PAAF1: variants seen among roughly 807,000 people sequenced by gnomAD.
PAAF1 encodes the protein proteasomal ATPase associated factor 1, also known as proteasomal ATPase-associated factor 1.
A neutral mutation model predicts 52.8 loss-of-function variants in PAAF1; 46 were observed. That is an observed-to-expected ratio of 0.87 (90% CI 0.69 to 1.11). The LOEUF (loss-of-function observed/expected upper bound fraction) is 1.11. Ranked by LOEUF, PAAF1 falls within the 50% of genes most tolerant of loss-of-function variation. The pLI, the probability that PAAF1 is intolerant of heterozygous loss-of-function variation, is 0.00. For synonymous variants in PAAF1, 178 were observed against 172.8 expected (o/e 1.03, Z -0.24); for missense variants, 424 against 477.4 (o/e 0.89, Z 1.04).
At position 73,916,628 on chromosome 11, in the gene PAAF1, A is replaced by AAAC. The variant is rs774147476; in HGVS notation, c.905_907dup (p.Asn302dup). The AAAC allele has an allele frequency of 6.2e-7, 1 of 1,614,066 alleles. No homozygotes were observed. The highest frequency in any genetic ancestry group is 2.2e-5 in the East Asian group (1 of 44,878). On this transcript the variant is annotated inframe_insertion, in exon 9 of 12. Coordinates refer to ENST00000310571, the MANE Select transcript of PAAF1 (RefSeq NM_025155.3). ...TGCTATTGGCTGGGACTCAAGATGG[A>AAAC]AACATTTATCAGCTGGATGTGAGGA...
At chr11:73,893,294 C>A (rs766485805) in intron 4 of PAAF1, among the ~76,000 whole-genome samples, 15 of 152,170 alleles carry the variant, frequency 9.9e-5, no homozygotes, top group Non-Finnish European at 1.9e-4. Flanking sequence ...TGTTGCTCTT[C>A]ATTTCCTCTG....
intron 8 of PAAF1, among the ~76,000 whole-genome samples, chr11:73,915,986 T>C (rs962068738): frequency 3.9e-5 from 6 of 152,224 alleles, no homozygotes; most frequent in Admixed American, 6.5e-5. Context: ...TTATTTTGTT[T>C]TTTGCCTTTT....
intron 2 of PAAF1, among the ~76,000 whole-genome samples, chr11:73,886,120 G>A (rs555919095): frequency 6.6e-5 from 10 of 152,284 alleles, no homozygotes; most frequent in African/African-American, 2.2e-4. Flanking sequence ...GTGTAGGATA[G>A]TATCTTACTT....
rs1168452865 is a variant in PAAF1, at chr11:73,930,037, CAA to C, written c.*2676_*2677del. 1 of 137,250 alleles carries C rather than the reference CAA, an allele frequency of 7.3e-6. No individual in the cohort carries two copies. The allele number at this position is 137,250 out of a possible 1,614,324, so 8.5% of individuals were successfully genotyped here. On this transcript the variant is annotated 3_prime_UTR_variant, in exon 12 of 12. Coordinates refer to ENST00000310571, the MANE Select transcript of PAAF1 (RefSeq NM_025155.3). ...CGCCATTGCGCTCCAGCCTGGGCAA[CAA>C]GAGTGAAACTCCGTCTCAAAAAAAA...
intron 3 of PAAF1, 112 bp downstream of exon 3, chr11:73,887,569 G>C (rs1949094925): frequency 9.3e-6 from 6 of 644,660 alleles, no homozygotes; most frequent in Non-Finnish European, 1.4e-5. Context: ...ATTTGTATGA[G>C]AATCATAGTT....
rs191708588 is a variant in PAAF1 at position 73,919,346 on chromosome 11, G to A, written c.1018+314G>A. The stretch of plus-strand genomic sequence containing the variant: ...CGTGTGAACATTTGATTGCAGTCCA[G>A]TTTGATAAGGACTACATCAGAAGAC... On this transcript the variant is annotated intron_variant, in intron 10 of 11. Transcript: ENST00000310571. Among the ~76,000 whole-genome samples the A allele has an allele frequency of 5.3e-5, 8 of 152,320 alleles. No individual in the cohort carries two copies. The East Asian group carries it at 1.3e-3, about 26-fold the overall frequency.
chr11:73,919,139 T>G, intron 10 of PAAF1, 107 bp downstream of exon 10: 2 of 907,664 alleles, frequency 2.2e-6, no homozygotes, highest in Non-Finnish European at 3.4e-6. Flanking sequence ...TCCCCCATGA[T>G]TCTTTGGCAT....
chr11:73,925,923 T>C (rs948196682), intron 11 of PAAF1, among the ~76,000 whole-genome samples: 2 of 152,216 alleles, frequency 1.3e-5, no homozygotes, highest in African/African-American at 4.8e-5. Flanking sequence ...TTGGCACATA[T>C]TTTTCAAGAC....
intron 10 of PAAF1, among the ~76,000 whole-genome samples, chr11:73,923,204 TC>T (rs1308431661): frequency 6.6e-6 from 1 of 152,100 alleles, no homozygotes; most frequent in Non-Finnish European, 1.5e-5. Flanking sequence ...AGGTACTACC[TC>T]GTATATGCTG....
chr11:73,899,583 T>A (rs1949537874), intron 5 of PAAF1, among the ~76,000 whole-genome samples: 1 of 152,112 alleles, frequency 6.6e-6, no homozygotes, highest in South Asian at 2.1e-4. Flanking sequence ...ATCTAATTTT[T>A]GTATTTTTAG....
At chr11:73,880,195 C>T (rs1948853765) in intron 2 of PAAF1, 1 of 151,776 alleles carries the variant, frequency 6.6e-6, no homozygotes, top group South Asian at 2.1e-4. Context: ...GACCTCCTAC[C>T]CTGGACAAGG....
chr11:73,908,401 G>GTATATATATGTA (rs1949835032), intron 6 of PAAF1, among the ~76,000 whole-genome samples: 1 of 146,556 alleles, frequency 6.8e-6, no homozygotes, highest in Admixed American at 6.8e-5. Context: ...ATATATATGT[G>GTATATATATGTA]TATATATATG....
intron 6 of PAAF1, among the ~76,000 whole-genome samples, chr11:73,906,159 T>TAG (rs142754328): frequency 0.075 from 11,417 of 152,266 alleles, 572 homozygotes; most frequent in East Asian, 0.18. Context: ...TGAAAAATCT[T>TAG]TTCTCTAGTG....
rs1331348748 is a variant in PAAF1 at position 73,930,796 on chromosome 11, T to C, written c.*3434T>C. The stretch of plus-strand genomic sequence containing the variant: ...ATATATATGTATATATATATATTTA[T>C]ATATGTAGAAGCAGTGAGTAGAATG... On this transcript the variant is annotated 3_prime_UTR_variant, in exon 12 of 12. Transcript: ENST00000310571. 3 of 149,960 alleles carry C rather than the reference T, an allele frequency of 2.0e-5. No individual in the cohort carries two copies. Among genetic ancestry groups the C allele is most frequent in the Admixed American group, 6.7e-5 (1 of 14,982 alleles). 9.3% of individuals were successfully genotyped at this position (149,960 alleles called of 1,614,324 possible).
At chr11:73,913,730 T>C (rs1465332666) in intron 7 of PAAF1, among the ~76,000 whole-genome samples, 1 of 152,010 alleles carries the variant, frequency 6.6e-6, no homozygotes, top group East Asian at 1.9e-4. Context: ...GAATAGTGCC[T>C]GATACATAGT....
At chr11:73,889,306 T>G (rs12295206) in intron 3 of PAAF1, 1 of 1,002,188 alleles carries the variant, frequency 1.0e-6, no homozygotes, top group Non-Finnish European at 1.3e-6. Flanking sequence ...CTTTGCTAAT[T>G]TGATATTGCT....
chr11:73,913,550 A>G (rs1449968042), intron 7 of PAAF1, among the ~76,000 whole-genome samples: 2 of 152,118 alleles, frequency 1.3e-5, no homozygotes, highest in Non-Finnish European at 2.9e-5. Context: ...TTATTTTAGA[A>G]CTCATCACTT....
chr11:73,887,650 C>T (rs573693073), intron 3 of PAAF1, among the ~76,000 whole-genome samples, 193 bp downstream of exon 3: 36 of 152,288 alleles, frequency 2.4e-4, no homozygotes, highest in Middle Eastern at 3.4e-3. Context: ...ATCAGACTTC[C>T]TCTTACTTCC....
At chr11:73,893,820 A>G (rs142283080) in intron 4 of PAAF1, among the ~76,000 whole-genome samples, 76 of 151,800 alleles carry the variant, frequency 5.0e-4, no homozygotes, top group African/African-American at 1.8e-3. Context: ...GCACTTAGGG[A>G]GACCCAGAAA....
Sources: gnomAD v4.1 joint callset for allele counts (sites outside exome capture counted in the v4.1 genomes callset) on GRCh38, gnomAD v4.1.1 for gene constraint, MANE v1.5 for transcripts, NCBI Gene and HGNC (gene_info 2026-07-23, HGNC 2026-07-21) for gene names.